Variants in PVR observed in about 807,000 individuals in gnomAD.
The protein encoded by PVR is PVR cell adhesion molecule.
A neutral mutation model predicts 43.3 loss-of-function variants in PVR; 39 were observed. The ratio of observed to expected loss-of-function variants is 0.90; its 90% confidence interval spans 0.70 to 1.18. The LOEUF is 1.18. Among genes scored for constraint, PVR ranks in the 50% most tolerant of loss-of-function variants. PVR has a pLI of 0.00. For missense variants in PVR, 480 were observed against 549.7 expected (o/e 0.87, Z 1.27); for synonymous variants, 224 against 233.2 (o/e 0.96, Z 0.36).
At chr19:44,644,752 A>G (rs1275802843) in intron 1 of PVR, among the ~76,000 whole-genome samples, 1 of 140,092 alleles carries the variant, frequency 7.1e-6, no homozygotes, top group Non-Finnish European at 1.5e-5. Context: ...GTCTCACTCC[A>G]TCACCCAGGC....
chr19:44,645,174 TTA>T lies in PVR; in HGVS notation c.79+1007_79+1008del, dbSNP rs1280021158. On this transcript the variant is annotated intron_variant, in intron 1 of 7. Coordinates refer to ENST00000425690, the MANE Select transcript of PVR (RefSeq NM_006505.5). ...TAATATATAATATGTATATTATATA[TTA>T]TATATATTATTATAATATATAATAT... Among the ~76,000 whole-genome samples the T allele has an allele frequency of 2.9e-4, 25 of 84,896 alleles. 1 individual carries two copies. Among genetic ancestry groups the T allele is most frequent in the African/African-American group, 5.4e-4 (10 of 18,580 alleles). The allele number at this position is 84,896 out of a possible 152,430, so 55.7% of individuals were successfully genotyped here.
rs1973642475 is a variant in PVR at position 44,663,729 on chromosome 19, A to C, written c.*1918A>C. On this transcript the variant is annotated 3_prime_UTR_variant, in exon 8 of 8. Coordinates refer to ENST00000425690, the MANE Select transcript of PVR (RefSeq NM_006505.5). ...AAGGGCTGGGATTCCCAGGCACCTTAGGAACAGCTTGTCTTTTTTTTTTTC... is the reference window on the plus strand; with the variant it reads ...AAGGGCTGGGATTCCCAGGCACCTTCGGAACAGCTTGTCTTTTTTTTTTTC... 6.6e-6 allele frequency: 1 copy of C among 151,158 alleles called. No homozygotes were observed. The highest frequency in any genetic ancestry group is 1.5e-5 in the Non-Finnish European group (1 of 67,732). The allele number at this position is 151,158 out of a possible 1,614,324, so 9.4% of individuals were successfully genotyped here.
intron 4 of PVR, among the ~76,000 whole-genome samples, chr19:44,655,457 A>G (rs139638755): frequency 2.7e-4 from 38 of 140,960 alleles, no homozygotes; most frequent in Non-Finnish European, 4.5e-4. Context: ...TTTAGTTATG[A>G]GCAAAAAGAA....
In PVR at chr19:44,661,309, G is replaced by A. The variant is rs139862252; in HGVS notation, c.1168G>A (p.Ala390Thr). 468 of 1,614,006 alleles carry A rather than the reference G, an allele frequency of 2.9e-4. 1 individual carries two copies. Among genetic ancestry groups the A allele is most frequent in the Non-Finnish European group, 3.5e-4 (418 of 1,179,888 alleles). ...LCPSSTEHAS[A>T]SANGHVSYSA... ...TTCCCCAGGTACAGAGCATGCCAGC[G>A]CCTCAGCTAATGGGGTAAGTGCAGT... is the stretch of plus-strand genomic sequence containing the variant. Residue 390 changes from alanine (A) to threonine (T), a missense_variant, in exon 7 of 8, where the codon GCC (alanine) becomes ACC (threonine). By Grantham distance (58) the Ala-to-Thr change is moderately conservative. Coordinates refer to ENST00000425690, the MANE Select transcript of PVR (RefSeq NM_006505.5).
rs114599544 is a variant in PVR at position 44,648,244 on chromosome 19, C to T, written c.427+674C>T. On this transcript the variant is annotated intron_variant, in intron 2 of 7. Coordinates refer to ENST00000425690, the MANE Select transcript of PVR (RefSeq NM_006505.5). The stretch of plus-strand genomic sequence containing the variant: ...CAGCCTTAGGGCAGCGGCGCTTCAC[C>T]GCTGGCCCATGTGAGCCCCTTAGAG... 5.1e-3 allele frequency among the ~76,000 whole-genome samples: 782 copies of T among 152,298 alleles called. 4 individuals are homozygous for T. Among genetic ancestry groups the T allele is most frequent in the African/African-American group, 0.018 (746 of 41,562 alleles).
intron 6 of PVR, among the ~76,000 whole-genome samples, chr19:44,660,510 T>TTTTG (rs1415430734): frequency 2.6e-5 from 4 of 152,038 alleles, no homozygotes; most frequent in Admixed American, 6.6e-5. Context: ...AGAGCAGGCT[T>TTTTG]TTTGTTTGTT....
chr19:44,649,903 A>C lies in PVR; in HGVS notation c.522A>C (p.Pro174=). 6.2e-7 allele frequency: 1 copy of C among 1,613,824 alleles called. No individual in the cohort carries two copies. Among genetic ancestry groups the C allele is most frequent in the South Asian group, 1.1e-5 (1 of 91,020 alleles). Residue 174 remains proline (P), a synonymous_variant, in exon 3 of 8, where the codon CCA becomes CCC. Coordinates refer to ENST00000425690, the MANE Select transcript of PVR (RefSeq NM_006505.5). ...ARCVSTGGRP[P]AQITWHSDLG... ...GCGTCTCCACAGGGGGTCGCCCGCCAGCCCAAATCACCTGGCACTCAGACC... is the reference window on the plus strand; with the variant it reads ...GCGTCTCCACAGGGGGTCGCCCGCCCGCCCAAATCACCTGGCACTCAGACC...
chr19:44,645,415 G>GTATATATA (rs71171276), intron 1 of PVR, among the ~76,000 whole-genome samples: 4,822 of 83,550 alleles, frequency 0.058, 187 homozygotes, highest in African/African-American at 0.068. Flanking sequence ...TATGTTTTGT[G>GTATATATA]TATATATATA....
chr19:44,657,524 A>G (rs555467230), intron 4 of PVR, among the ~76,000 whole-genome samples: 11 of 152,276 alleles, frequency 7.2e-5, no homozygotes, highest in African/African-American at 2.4e-4. Context: ...GCAGGGAGGT[A>G]CCGTGGAAGC....
intron 3 of PVR, 192 bp from the exon 4 acceptor site, chr19:44,653,708 C>G: frequency 1.8e-6 from 1 of 562,406 alleles, no homozygotes; most frequent in Non-Finnish European, 3.2e-6. Flanking sequence ...TTCTCCATGT[C>G]CCCACTGACC....
chr19:44,659,465 AT>A (rs889983167), intron 6 of PVR, among the ~76,000 whole-genome samples: 7 of 151,772 alleles, frequency 4.6e-5, no homozygotes, highest in Admixed American at 1.3e-4. Flanking sequence ...TTAATTTTTA[AT>A]TTTTTTTATT....
chr19:44,645,413 G>GTATATATATATATATATATA (rs1278079157), intron 1 of PVR, among the ~76,000 whole-genome samples: 6 of 52,092 alleles, frequency 1.2e-4, no homozygotes, highest in African/African-American at 5.4e-4. Context: ...TATATGTTTT[G>GTATATATATATATATATATA]TGTATATATA....
rs1232254839 is a variant in PVR, at chr19:44,664,000, T to C, written c.*2189T>C. On this transcript the variant is annotated 3_prime_UTR_variant, in exon 8 of 8. Coordinates refer to ENST00000425690, the MANE Select transcript of PVR (RefSeq NM_006505.5). ...TGAGGGATCCATTCTAATTTGTGTT[T>C]GGAGTGTAATGGTCCAGCTCCATTC... is the stretch of plus-strand genomic sequence containing the variant. 6.6e-6 allele frequency: 1 copy of C among 152,186 alleles called. No individual in the cohort carries two copies. Among genetic ancestry groups the C allele is most frequent in the African/African-American group, 2.4e-5 (1 of 41,438 alleles). The allele number at this position is 152,186 out of a possible 1,614,324, so 9.4% of individuals were successfully genotyped here.
chr19:44,654,226 A>G (rs1599767968), intron 4 of PVR, among the ~76,000 whole-genome samples: 1 of 58,342 alleles, frequency 1.7e-5, no homozygotes, highest in Non-Finnish European at 3.3e-5. Flanking sequence ...CTGAGAGAGG[A>G]GGGGCTGGGC....
At position 44,661,295 on chromosome 19, in the gene PVR, C is replaced by T. The variant is rs1327916943; in HGVS notation, c.1154C>T (p.Thr385Ile). The change falls in exon 7 of 8, where the codon ACA becomes ATA. Residue 385 changes from threonine to isoleucine, a missense_variant. Thr to Ile is a moderately conservative substitution (Grantham distance 89). Transcript: ENST00000425690. ...ACTTCCCCTCCTATTTCCCCAGGTA[C>T]AGAGCATGCCAGCGCCTCAGCTAAT... Reference protein sequence around the residue: ...LWHCHLCPSSTEHASASANGH... With the variant: ...LWHCHLCPSSIEHASASANGH... 6.2e-7 allele frequency: 1 copy of T among 1,613,842 alleles called. No individual in the cohort carries two copies. Among genetic ancestry groups the T allele is most frequent in the Non-Finnish European group, 8.5e-7 (1 of 1,179,704 alleles).
At position 44,661,827 on chromosome 19, in the gene PVR, G is replaced by A; in HGVS notation, c.*16G>A. 3 of 1,612,564 alleles carry A rather than the reference G, an allele frequency of 1.9e-6. No individual in the cohort carries two copies. The highest frequency in any genetic ancestry group is 2.5e-6 in the Non-Finnish European group (3 of 1,179,044). On this transcript the variant is annotated 3_prime_UTR_variant, in exon 8 of 8. Transcript: ENST00000425690. Reference sequence around the variant, plus strand: ...CACAAGGTGACAGCGTCGGGACTGAGAGGGGAGAGAGACTGGAGCTGGCAA... The same window carrying A: ...CACAAGGTGACAGCGTCGGGACTGAAAGGGGAGAGAGACTGGAGCTGGCAA...
At chr19:44,650,561 C>CTT (rs869225120) in intron 3 of PVR, among the ~76,000 whole-genome samples, 57 of 135,510 alleles carry the variant, frequency 4.2e-4, no homozygotes, top group African/African-American at 1.2e-3. Context: ...TCTTTCTTTC[C>CTT]TTTTTTTTTT....
rs1348336766 is a variant in PVR at position 44,653,959 on chromosome 19, G to T, written c.784G>T (p.Ala262Ser). The T allele has an allele frequency of 6.2e-7, 1 of 1,614,104 alleles. No homozygotes were observed. The highest frequency in any genetic ancestry group is 1.7e-5 in the Admixed American group (1 of 60,010). The change falls in exon 4 of 8, where the codon GCC becomes TCC. Residue 262 changes from alanine (A) to serine (S), a missense_variant. By Grantham distance (99) the Ala-to-Ser change is moderately conservative. Transcript: ENST00000425690. ...DNNWYLGQNE[A>S]TLTCDARSNP... ...CAACTGGTACCTTGGCCAGAATGAG[G>T]CCACCCTGACCTGCGATGCTCGCAG...
intron 1 of PVR, among the ~76,000 whole-genome samples, chr19:44,646,867 C>G (rs648257): frequency 6.6e-6 from 1 of 152,202 alleles, no homozygotes; most frequent in Admixed American, 6.5e-5. Context: ...GAACTGTATG[C>G]TTTAAATGAC....
Sources: gnomAD v4.1 joint callset for allele counts (sites outside exome capture counted in the v4.1 genomes callset) on GRCh38, gnomAD v4.1.1 for gene constraint, MANE v1.5 for transcripts, NCBI Gene and HGNC (gene_info 2026-07-23, HGNC 2026-07-21) for gene names.